TPRG1: variants seen among roughly 807,000 people sequenced by gnomAD.
TPRG1 encodes tumor protein p63-regulated gene 1 protein.
TPRG1 carries 29 observed loss-of-function variants against 29.3 expected under a neutral mutation model. The ratio of observed to expected loss-of-function variants is 0.99; its 90% confidence interval spans 0.74 to 1.35. The LOEUF is 1.35. Ranked by LOEUF, TPRG1 falls within the 40% of genes most tolerant of loss-of-function variation. TPRG1 has a pLI of 0.00. For missense variants in TPRG1, 327 were observed against 335.0 expected (o/e 0.98, Z 0.19); for synonymous variants, 130 against 116.8 (o/e 1.11, Z -0.73).
chr3:189,200,256 T>A (rs369965625), intron 1 of TPRG1, among the ~76,000 whole-genome samples: 11 of 152,308 alleles, frequency 7.2e-5, no homozygotes, highest in East Asian at 5.8e-4. Flanking sequence ...ATATACAAAA[T>A]GTGAAATTGT....
At chr3:189,063,058 A>G (rs1716217245) in intron 4 of TPRG1, among the ~76,000 whole-genome samples, 1 of 152,090 alleles carries the variant, frequency 6.6e-6, no homozygotes, top group East Asian at 1.9e-4. Flanking sequence ...TTGAAAATAA[A>G]GGAATAGAAA....
intron 4 of TPRG1, among the ~76,000 whole-genome samples, chr3:189,043,640 T>C (rs74804851): frequency 0.034 from 5,175 of 152,322 alleles, 276 homozygotes; most frequent in African/African-American, 0.12. Flanking sequence ...CTTCAGAGAC[T>C]GGCTTGTATA....
intron 1 of TPRG1, among the ~76,000 whole-genome samples, chr3:189,193,543 A>G (rs1178655958): frequency 6.6e-6 from 1 of 151,894 alleles, no homozygotes; most frequent in Non-Finnish European, 1.5e-5. Flanking sequence ...AACTTCCATG[A>G]TACAAATATT....
chr3:189,246,680 G>A (rs901708085), intron 4 of TPRG1, among the ~76,000 whole-genome samples: 1 of 151,904 alleles, frequency 6.6e-6, no homozygotes, highest in Non-Finnish European at 1.5e-5. Flanking sequence ...TAATCTAGTG[G>A]TGATACATTC....
At chr3:189,181,824 C>T (rs1578698220) in intron 1 of TPRG1, among the ~76,000 whole-genome samples, 2 of 152,206 alleles carry the variant, frequency 1.3e-5, no homozygotes, top group East Asian at 1.9e-4. Flanking sequence ...TGTATTCATC[C>T]GTTTTCACAC....
chr3:189,024,233 A>G lies in TPRG1; in HGVS notation c.-463+287A>G, dbSNP rs967605210. ...CCTGGCTGGGAGAACCTTCCCCGTG[A>G]GGAGGAATGGATCAGGGTCCCCTTT... is the stretch of plus-strand genomic sequence containing the variant. On this transcript the variant is annotated intron_variant, in intron 4 of 10. Coordinates refer to the TPRG1 transcript ENST00000433971. Among the ~76,000 whole-genome samples the G allele has an allele frequency of 3.3e-5, 5 of 152,182 alleles. No homozygotes were observed. In the East Asian group the frequency reaches 7.7e-4, roughly 24 times the overall value.
intron 4 of TPRG1, among the ~76,000 whole-genome samples, chr3:189,035,801 A>T (rs996309124): frequency 1.1e-4 from 17 of 152,162 alleles, no homozygotes; most frequent in African/African-American, 4.1e-4. Context: ...GAGAAAAGGA[A>T]ACACTTATAC....
rs537449990 is a variant in TPRG1, at chr3:189,036,871, AT to A, written c.-463+12931del. ...TAAACCGATTAAATGAAACCAAATC[AT>A]TTTTTAAAAATTCCAGAATCAGCAG... On this transcript the variant is annotated intron_variant, in intron 4 of 10. Transcript: ENST00000433971. 7.2e-5 allele frequency among the ~76,000 whole-genome samples: 11 copies of A among 152,046 alleles called. No homozygotes were observed. The South Asian group carries it at 2.1e-3, about 29-fold the overall frequency.
At chr3:189,235,192 G>A (rs1414227053) in intron 3 of TPRG1, among the ~76,000 whole-genome samples, 1 of 150,468 alleles carries the variant, frequency 6.6e-6, no homozygotes, top group Non-Finnish European at 1.5e-5. Context: ...TTTGAACCAG[G>A]GTAGGGCGGT....
intron 4 of TPRG1, among the ~76,000 whole-genome samples, chr3:189,295,437 A>T (rs1029669413): frequency 2.9e-5 from 4 of 135,842 alleles, no homozygotes; most frequent in East Asian, 2.6e-4. Flanking sequence ...TTTAAATTAG[A>T]TTCATTTTGT....
intron 1 of TPRG1, chr3:189,121,479 A>C (rs1204073586): frequency 2.0e-5 from 3 of 152,240 alleles, no homozygotes; most frequent in Non-Finnish European, 4.4e-5. Flanking sequence ...TGTAGCTAAA[A>C]AGCAGAAGCA....
chr3:189,224,094 G>A (rs1279707663), intron 3 of TPRG1, among the ~76,000 whole-genome samples: 1 of 152,070 alleles, frequency 6.6e-6, no homozygotes, highest in Non-Finnish European at 1.5e-5. Context: ...TGATTCCACG[G>A]GAACATAAAA....
intron 1 of TPRG1, among the ~76,000 whole-genome samples, chr3:189,104,929 G>A (rs1719637138): frequency 6.6e-6 from 1 of 152,162 alleles, no homozygotes; most frequent in Admixed American, 6.5e-5. Context: ...CATAATTCAA[G>A]TTTTTCCAAG....
intron 4 of TPRG1, among the ~76,000 whole-genome samples, chr3:189,079,952 TA>T (rs999337274): frequency 1.3e-5 from 2 of 152,226 alleles, no homozygotes; most frequent in Non-Finnish European, 2.9e-5. Context: ...TTGTACCTGA[TA>T]CTTTTTTGTG....
rs184384191 is a variant in TPRG1, at chr3:189,272,459, T to C, written c.479+33550T>C. On this transcript the variant is annotated intron_variant, in intron 4 of 5. Coordinates refer to ENST00000345063, the MANE Select transcript of TPRG1 (RefSeq NM_198485.4). ...CAGATTTAATTTGTGTGTATTTTTT[T>C]TTCCTACTAATATACATCGAGACTG... 5.9e-5 allele frequency among the ~76,000 whole-genome samples: 9 copies of C among 152,288 alleles called. No individual in the cohort carries two copies. The East Asian group carries it at 1.5e-3, about 26-fold the overall frequency.
At position 189,320,751 on chromosome 3, in the gene TPRG1, G is replaced by A; in HGVS notation, c.759G>A (p.Gly253=). 6.2e-7 allele frequency: 1 copy of A among 1,611,792 alleles called. No homozygotes were observed. The highest frequency in any genetic ancestry group is 2.2e-5 in the East Asian group (1 of 44,706). Residue 253 remains glycine, a synonymous_variant, in exon 6 of 6, where the codon GGG becomes GGA. Coordinates refer to ENST00000345063, the MANE Select transcript of TPRG1 (RefSeq NM_198485.4). ...CCATTTTGATTGAGACCTACACAGG[G>A]CTGATGTCATTCATTGGAAACCGCA... ...TEPILIETYT[G]LMSFIGNRNK...
At chr3:189,137,745 C>G (rs1162098804) in intron 3 of TPRG1, among the ~76,000 whole-genome samples, 1 of 152,164 alleles carries the variant, frequency 6.6e-6, no homozygotes, top group Non-Finnish European at 1.5e-5. Flanking sequence ...GCCTGCTTCT[C>G]TCACGTGAGC....
intron 4 of TPRG1, among the ~76,000 whole-genome samples, chr3:189,092,634 G>A (rs944671505): frequency 1.3e-5 from 2 of 152,056 alleles, no homozygotes; most frequent in South Asian, 2.1e-4. Flanking sequence ...GGGGAGGCAC[G>A]CTGCTCAGAG....
At chr3:189,036,636 C>T (rs1339029502) in intron 4 of TPRG1, among the ~76,000 whole-genome samples, 1 of 151,830 alleles carries the variant, frequency 6.6e-6, no homozygotes, top group East Asian at 1.9e-4. Context: ...GAAATAATAA[C>T]ACCATATACG....
Sources: gnomAD v4.1 joint callset for allele counts (sites outside exome capture counted in the v4.1 genomes callset) on GRCh38, gnomAD v4.1.1 for gene constraint, MANE v1.5 for transcripts, NCBI Gene and HGNC (gene_info 2026-07-23, HGNC 2026-07-21) for gene names.